The following POM121 variants were observed in gnomAD, a reference collection of about 807,000 sequenced individuals.
The protein encoded by POM121 is nuclear envelope pore membrane protein POM 121.
Under a neutral mutation model 81.3 loss-of-function variants are expected in POM121, and 32 were observed. That is an observed-to-expected ratio of 0.39 (90% CI 0.30 to 0.53). The LOEUF is 0.53. POM121 is among the 20% of genes least tolerant of loss of function. POM121 has a pLI of 0.66. For synonymous variants in POM121, 514 were observed against 694.2 expected (o/e 0.74, Z 4.08); for missense variants, 1,138 against 1,614.6 (o/e 0.70, Z 5.06).
In POM121 at chr7:72,936,678, C is replaced by G. The variant is rs143371779; in HGVS notation, c.1276-1912C>G. Among the ~76,000 whole-genome samples, 45 of 152,308 alleles carry G rather than the reference C, an allele frequency of 3.0e-4. 1 individual carries two copies. The highest frequency in any genetic ancestry group is 5.1e-4 in the Non-Finnish European group (35 of 68,030). On this transcript the variant is annotated intron_variant, in intron 5 of 12. Transcript: ENST00000434423. Reference sequence around the variant, plus strand: ...CCTCCTGCCTCAGCCTCCTGAAGTGCTAGGATTACAGGTGTGAGCCACCTC... The same window carrying G: ...CCTCCTGCCTCAGCCTCCTGAAGTGGTAGGATTACAGGTGTGAGCCACCTC...
intron 1 of POM121, among the ~76,000 whole-genome samples, chr7:72,881,728 C>T (rs1790178690): frequency 6.6e-6 from 1 of 152,056 alleles, no homozygotes; most frequent in African/African-American, 2.4e-5. Flanking sequence ...CTCCTGGGTT[C>T]AAGTGATTGT....
Position 72,942,768 on chromosome 7 carries a change from C to G in POM121, c.2775C>G (p.Leu925=), listed in dbSNP as rs554640295. 2.2e-6 allele frequency: 3 copies of G among 1,370,398 alleles called. No individual in the cohort carries two copies. The African/African-American group carries it at 4.5e-5, about 21-fold the overall frequency. The allele number at this position is 1,370,398 out of a possible 1,614,324, so 84.9% of individuals were successfully genotyped here. A position where few individuals can be genotyped will look rare whatever the true frequency, so the allele number is the denominator to read the frequency against. The stretch of plus-strand genomic sequence containing the variant: ...ACTTTAGTGGTTTTGGCAGCACCCT[C>G]GCCACCTCCGCCCCGGCCACCAGCA... ...AADFSGFGST[L]ATSAPATSSQ... Residue 925 remains leucine (L), a synonymous_variant, in exon 11 of 13, where the codon CTC becomes CTG. Coordinates refer to ENST00000434423, the MANE Select transcript of POM121 (RefSeq NM_001387691.1).
rs574476216 is a variant in POM121 at position 72,932,174 on chromosome 7, A to C, written c.1275+2063A>C. Among the ~76,000 whole-genome samples, 94 of 149,446 alleles carry C rather than the reference A, an allele frequency of 6.3e-4. 1 individual carries two copies. The highest frequency in any genetic ancestry group is 5.0e-3 in the Admixed American group (74 of 14,838). On this transcript the variant is annotated intron_variant, in intron 5 of 12. Transcript: ENST00000434423. ...TTTGAAACAATAAGTTGTTTCAAAA[A>C]AAATACACTAAAACAAGATACACTC...
intron 5 of POM121, among the ~76,000 whole-genome samples, chr7:72,937,751 C>G (rs1284416171): frequency 6.6e-6 from 1 of 152,166 alleles, no homozygotes; most frequent in Non-Finnish European, 1.5e-5. Flanking sequence ...AGTGTCCGCT[C>G]TGTGCCATCT....
At chr7:72,928,345 A>T (rs1490530835) in intron 3 of POM121, 40 bp from the exon 4 acceptor site, 1 of 1,612,416 alleles carries the variant, frequency 6.2e-7, no homozygotes, top group Non-Finnish European at 8.5e-7. Context: ...GGACAAAAAA[A>T]GTCATGTCAT....
intron 3 of POM121, among the ~76,000 whole-genome samples, chr7:72,908,551 A>G (rs1554493794): frequency 1.3e-5 from 2 of 152,152 alleles, no homozygotes; most frequent in African/African-American, 2.4e-5. Context: ...AACCGGTTTG[A>G]CCAAAATTTA....
intron 3 of POM121, 143 bp from the exon 4 acceptor site, chr7:72,928,242 G>A (rs1485089167): frequency 8.1e-7 from 1 of 1,233,318 alleles, no homozygotes; most frequent in Non-Finnish European, 1.1e-6. Context: ...CAGAAGCTTA[G>A]GGATTTTAAA....
At chr7:72,904,080 A>G (rs782021220) in intron 3 of POM121, among the ~76,000 whole-genome samples, 16 of 152,202 alleles carry the variant, frequency 1.1e-4, no homozygotes, top group Non-Finnish European at 2.2e-4. Flanking sequence ...CTAGGATTAC[A>G]GGCATGAGCC....
At chr7:72,939,498 C>T (rs1796852263) in intron 7 of POM121, 89 bp downstream of exon 7, 5 of 1,536,904 alleles carry the variant, frequency 3.3e-6, no homozygotes, top group Non-Finnish European at 4.4e-6. Flanking sequence ...GAAAAAAGGT[C>T]TTGAGCATTG....
chr7:72,942,059 A>G lies in POM121; in HGVS notation c.2066A>G (p.Lys689Arg). 1 of 1,605,624 alleles carries G rather than the reference A, an allele frequency of 6.2e-7. No individual in the cohort carries two copies. The highest frequency in any genetic ancestry group is 8.5e-7 in the Non-Finnish European group (1 of 1,178,498). ...ACCCTTCAGGCAGAGACGGCTACCA[A>G]ACCCCAAGCCACATCTGCCCCGTCC... ...PPTLQAETAT[K>R]PQATSAPSPA... is the part of the protein sequence containing the mutation. The change falls in exon 11 of 13, where the codon AAA becomes AGA. Residue 689 changes from lysine (K) to arginine (R), a missense_variant. Transcript: ENST00000434423.
chr7:72,881,921 G>A (rs1326732443), intron 1 of POM121, among the ~76,000 whole-genome samples: 4 of 152,146 alleles, frequency 2.6e-5, no homozygotes, highest in African/African-American at 7.2e-5. Flanking sequence ...ATGAGCCACC[G>A]AGCCCAGCCA....
chr7:72,943,876 A>T (rs1379074285), intron 11 of POM121, among the ~76,000 whole-genome samples: 2 of 152,232 alleles, frequency 1.3e-5, no homozygotes, highest in African/African-American at 4.8e-5. Context: ...TGTCTCTACT[A>T]AAAATACCAA....
intron 3 of POM121, among the ~76,000 whole-genome samples, chr7:72,911,594 C>T (rs1329422766): frequency 2.6e-5 from 4 of 152,202 alleles, no homozygotes; most frequent in African/African-American, 4.8e-5. Context: ...CGCTCTGGCT[C>T]GTGCGACCTC....
intron 1 of POM121, among the ~76,000 whole-genome samples, chr7:72,880,628 C>G (rs1554489166): frequency 6.6e-6 from 1 of 151,972 alleles, no homozygotes; most frequent in Non-Finnish European, 1.5e-5. Flanking sequence ...GTGGCTCACA[C>G]CTGTAATCCG....
chr7:72,914,819 G>A (rs1356641212), intron 4 of POM121, among the ~76,000 whole-genome samples: 1 of 152,062 alleles, frequency 6.6e-6, no homozygotes, highest in Non-Finnish European at 1.5e-5. Context: ...CTGTGTGCCT[G>A]GAAGCACACA....
downstream of POM121, chr7:72,950,308 G>C: frequency 1.0e-6 from 1 of 954,660 alleles, no homozygotes; most frequent in Admixed American, 2.8e-5. Flanking sequence ...GAAATCAACA[G>C]GGTGATAAGG....
intron 12 of POM121, 95 bp from the exon 13 acceptor site, chr7:72,946,042 T>G: frequency 1.3e-6 from 2 of 1,522,660 alleles, no homozygotes; most frequent in East Asian, 4.7e-5. Context: ...GCACCCTGTG[T>G]TTTATTACTG....
At chr7:72,920,714 G>A (rs1388042846), upstream of POM121, among the ~76,000 whole-genome samples, 1 of 151,630 alleles carries the variant, frequency 6.6e-6, no homozygotes, top group Non-Finnish European at 1.5e-5. Context: ...TAAGATCATT[G>A]GAAAGTTGGA....
rs189261675 is a variant in POM121 at position 72,917,811 on chromosome 7, C to T, written c.-152+3983C>T. Among the ~76,000 whole-genome samples, 539 of 152,282 alleles carry T rather than the reference C, an allele frequency of 3.5e-3. 2 individuals are homozygous for T. Among genetic ancestry groups the T allele is most frequent in the Non-Finnish European group, 3.4e-3 (231 of 68,026 alleles). On this transcript the variant is annotated intron_variant, in intron 4 of 15. Coordinates refer to the POM121 transcript ENST00000395270. ...CCGGGGGACCACTACCACCAATGCG[C>T]AGAGACCGGTAGTGGCCCTGAATGT... is the stretch of plus-strand genomic sequence containing the variant.
Sources: allele counts gnomAD v4.1 joint callset (sites outside exome capture counted in the v4.1 genomes callset), GRCh38; gene constraint gnomAD v4.1.1; transcripts MANE v1.5; gene names NCBI Gene and HGNC (gene_info 2026-07-23, HGNC 2026-07-21).